Variants in ZNF385D observed in about 807,000 individuals in gnomAD.
ZNF385D encodes zinc finger protein 385D.
A neutral mutation model predicts 35.8 loss-of-function variants in ZNF385D; 15 were observed. That is an observed-to-expected ratio of 0.42 (90% CI 0.28 to 0.64). The LOEUF (loss-of-function observed/expected upper bound fraction) is 0.64. Among genes scored for constraint, ZNF385D ranks in the 30% least tolerant of loss-of-function variants. ZNF385D has a pLI of 0.23. For synonymous variants in ZNF385D, 212 were observed against 186.8 expected (o/e 1.13, Z -1.10); for missense variants, 474 against 494.6 (o/e 0.96, Z 0.39).
rs1283048272 is a variant in ZNF385D at position 21,419,193 on chromosome 3, T to TCTTC, written c.*2017_*2020dup. Reference sequence around the variant, plus strand: ...CCTTTCCTTCCTTCCTTCCCTCCTTTCTTCCTTCCTTCCTTCCATTCTTCC... The same window carrying TCTTC: ...CCTTTCCTTCCTTCCTTCCCTCCTTTCTTCCTTCCTTCCTTCCTTCCATTCTTCC... On this transcript the variant is annotated 3_prime_UTR_variant, in exon 8 of 8. Transcript: ENST00000281523. 6.5e-6 allele frequency: 1 copy of TCTTC among 153,470 alleles called. No homozygotes were observed. Among genetic ancestry groups the TCTTC allele is most frequent in the African/African-American group, 2.4e-5 (1 of 41,168 alleles). The allele number at this position is 153,470 out of a possible 1,614,324, so 9.5% of individuals were successfully genotyped here.
intron 3 of ZNF385D, among the ~76,000 whole-genome samples, chr3:22,028,021 G>T (rs1390285598): frequency 1.3e-5 from 2 of 152,148 alleles, no homozygotes; most frequent in African/African-American, 2.4e-5. Context: ...GCACCTGGTT[G>T]CTCACTCTGC....
At chr3:21,674,028 A>G (rs2066651590) in intron 1 of ZNF385D, among the ~76,000 whole-genome samples, 1 of 152,142 alleles carries the variant, frequency 6.6e-6, no homozygotes, top group African/African-American at 2.4e-5. Flanking sequence ...AAATCTTGTT[A>G]CATGGTCTTG....
chr3:21,676,753 A>C (rs775707974), intron 1 of ZNF385D, among the ~76,000 whole-genome samples: 1 of 151,850 alleles, frequency 6.6e-6, no homozygotes, highest in Non-Finnish European at 1.5e-5. Context: ...AGCTAGGTAG[A>C]ATTAGAAACC....
intron 4 of ZNF385D, chr3:21,441,736 T>C: frequency 1.0e-6 from 1 of 985,382 alleles, no homozygotes; most frequent in South Asian, 4.7e-5. Context: ...TGCACCTTTT[T>C]TTCCCCCTGC....
In ZNF385D at chr3:21,748,732, C is replaced by G. The variant is rs1380327077; in HGVS notation, c.22+2163G>C. ...GTGAAAGCATTGCTTGGAAAAATTACCTGAAATCGCTACAATTTTGAACAC... is the reference window on the plus strand; with the variant it reads ...GTGAAAGCATTGCTTGGAAAAATTAGCTGAAATCGCTACAATTTTGAACAC... On this transcript the variant is annotated intron_variant, in intron 1 of 7. Transcript: ENST00000281523. Among the ~76,000 whole-genome samples, 3 of 152,134 alleles carry G rather than the reference C, an allele frequency of 2.0e-5. No homozygotes were observed. The East Asian group carries it at 5.8e-4, about 29-fold the overall frequency.
intron 2 of ZNF385D, among the ~76,000 whole-genome samples, chr3:22,273,341 T>A (rs1263884904): frequency 6.6e-6 from 1 of 151,986 alleles, no homozygotes; most frequent in Middle Eastern, 3.2e-3. Context: ...TAGTCCTTTT[T>A]TTGGAAATTA....
chr3:21,742,504 G>GA (rs1177271741), intron 1 of ZNF385D, among the ~76,000 whole-genome samples: 1 of 152,198 alleles, frequency 6.6e-6, no homozygotes, highest in Non-Finnish European at 1.5e-5. Context: ...TACAGACGTA[G>GA]AGGCTAAAGC....
chr3:22,125,200 C>G (rs1415611034), intron 3 of ZNF385D, among the ~76,000 whole-genome samples: 2 of 152,052 alleles, frequency 1.3e-5, no homozygotes, highest in African/African-American at 4.8e-5. Context: ...GTTCTTGGCA[C>G]CTTTGTTAAA....
intron 3 of ZNF385D, among the ~76,000 whole-genome samples, chr3:21,532,238 T>G (rs1342003139): frequency 1.3e-5 from 2 of 152,102 alleles, no homozygotes; most frequent in African/African-American, 4.8e-5. Flanking sequence ...AGCATTTTGG[T>G]CCTTGGTGAG....
At chr3:22,026,280 T>C (rs1329266159) in intron 3 of ZNF385D, among the ~76,000 whole-genome samples, 2 of 152,128 alleles carry the variant, frequency 1.3e-5, no homozygotes, top group East Asian at 3.9e-4. Flanking sequence ...CCTAAACCCC[T>C]TGAATGAAGG....
intron 2 of ZNF385D, among the ~76,000 whole-genome samples, chr3:22,352,965 G>A (rs1695985710): frequency 1.3e-5 from 2 of 152,110 alleles, no homozygotes; most frequent in South Asian, 2.1e-4. Flanking sequence ...AGTTCTACAT[G>A]GAGGGACATG....
chr3:22,022,143 TA>T (rs1325831183), intron 3 of ZNF385D, among the ~76,000 whole-genome samples: 1 of 152,092 alleles, frequency 6.6e-6, no homozygotes, highest in African/African-American at 2.4e-5. Context: ...TTCTTAACCA[TA>T]AATACATCAC....
intron 3 of ZNF385D, among the ~76,000 whole-genome samples, chr3:21,962,128 T>A (rs1411126850): frequency 6.6e-6 from 1 of 152,050 alleles, no homozygotes; most frequent in Non-Finnish European, 1.5e-5. Flanking sequence ...TTATGGGCAA[T>A]AAGAGGAAGG....
intron 2 of ZNF385D, among the ~76,000 whole-genome samples, chr3:21,645,496 A>G (rs996437305): frequency 4.6e-5 from 7 of 152,224 alleles, no homozygotes; most frequent in Non-Finnish European, 7.3e-5. Flanking sequence ...AGGTAAATAA[A>G]TGGTAAACCG....
rs543812915 is a variant in ZNF385D, at chr3:21,990,455, A to G, written c.325+178362T>C. Among the ~76,000 whole-genome samples the G allele has an allele frequency of 9.8e-5, 15 of 152,314 alleles. No individual in the cohort carries two copies. The South Asian group carries it at 2.1e-3, about 21-fold the overall frequency. ...TATTGCCTGTGCCTTTATCAGGGTG[A>G]TAAGGTTAGAAAAGATCATTGTTTC... On this transcript the variant is annotated intron_variant, in intron 3 of 5. Transcript: ENST00000494108.
intron 3 of ZNF385D, chr3:21,849,639 G>A (rs371896337): frequency 1.2e-5 from 1 of 84,718 alleles, no homozygotes; most frequent in Non-Finnish European, 2.2e-5. Flanking sequence ...TACCACCATC[G>A]CTCTACACAT....
intron 3 of ZNF385D, among the ~76,000 whole-genome samples, chr3:22,109,956 A>C (rs969146540): frequency 3.9e-5 from 6 of 152,104 alleles, no homozygotes; most frequent in East Asian, 3.9e-4. Context: ...AAAAAAACAA[A>C]CCCATCAACA....
chr3:21,529,986 G>T (rs763220347), intron 3 of ZNF385D, among the ~76,000 whole-genome samples: 1 of 152,110 alleles, frequency 6.6e-6, no homozygotes, highest in African/African-American at 2.4e-5. Flanking sequence ...TGGGTCATGG[G>T]GGGGGTGAAC....
At chr3:22,287,930 G>C (rs764090856) in intron 2 of ZNF385D, among the ~76,000 whole-genome samples, 1 of 151,914 alleles carries the variant, frequency 6.6e-6, no homozygotes, top group Non-Finnish European at 1.5e-5. Context: ...CACTTTTTGT[G>C]AGGAAGTTCA....
Sources: allele counts gnomAD v4.1 joint callset (sites outside exome capture counted in the v4.1 genomes callset), GRCh38; gene constraint gnomAD v4.1.1; transcripts MANE v1.5; gene names NCBI Gene and HGNC (gene_info 2026-07-23, HGNC 2026-07-21).